FGGY: variants seen among roughly 807,000 people sequenced by gnomAD.
FGGY encodes the protein FGGY carbohydrate kinase domain-containing protein.
In FGGY, 72 loss-of-function variants were observed where a neutral mutation model predicts 71.3. That is an observed-to-expected ratio of 1.01 (90% confidence interval 0.84 to 1.23). The LOEUF (loss-of-function observed/expected upper bound fraction) is 1.23. Among genes scored for constraint, FGGY ranks in the 50% most tolerant of loss-of-function variants. FGGY has a pLI of 0.00. For missense variants in FGGY, 668 were observed against 682.3 expected (o/e 0.98, Z 0.23); for synonymous variants, 251 against 250.3 (o/e 1.00, Z -0.02).
chr1:59,355,503 C>A (rs1400265062), intron 4 of FGGY, among the ~76,000 whole-genome samples: 2 of 152,110 alleles, frequency 1.3e-5, no homozygotes, highest in South Asian at 2.1e-4. Flanking sequence ...AGCTTGTAGT[C>A]ATAGCTAACC....
intron 5 of FGGY, among the ~76,000 whole-genome samples, chr1:59,381,591 T>C (rs2153348767): frequency 6.6e-6 from 1 of 152,060 alleles, no homozygotes; most frequent in South Asian, 2.1e-4. Context: ...ATATGCAGTC[T>C]GTTATTGACT....
intron 14 of FGGY, chr1:59,699,478 C>T (rs1169868206): frequency 9.4e-6 from 8 of 847,926 alleles, no homozygotes; most frequent in Non-Finnish European, 1.1e-5. Flanking sequence ...ATCTCAAAAA[C>T]AACCCCTCTG....
At chr1:59,363,701 G>C (rs926482735) in intron 4 of FGGY, among the ~76,000 whole-genome samples, 1 of 152,220 alleles carries the variant, frequency 6.6e-6, no homozygotes, top group Non-Finnish European at 1.5e-5. Context: ...TGGAGATGCT[G>C]ACAGGTGAAG....
intron 6 of FGGY, among the ~76,000 whole-genome samples, chr1:59,461,621 T>A (rs2092224301): frequency 6.6e-6 from 1 of 152,026 alleles, no homozygotes; most frequent in African/African-American, 2.4e-5. Context: ...ATTGTCAGAT[T>A]CACCAAGGTT....
At chr1:59,609,952 G>A (rs954848728) in intron 9 of FGGY, among the ~76,000 whole-genome samples, 2 of 152,224 alleles carry the variant, frequency 1.3e-5, no homozygotes, top group African/African-American at 2.4e-5. Context: ...TGTTTGATTG[G>A]TCTCAGTAAC....
chr1:59,462,474 A>G (rs973192429), intron 6 of FGGY, among the ~76,000 whole-genome samples: 2 of 152,156 alleles, frequency 1.3e-5, no homozygotes, highest in East Asian at 3.9e-4. Context: ...TCATTAAACT[A>G]AAGAGCTTCT....
At chr1:59,380,303 A>T (rs191028528) in intron 5 of FGGY, among the ~76,000 whole-genome samples, 1 of 151,544 alleles carries the variant, frequency 6.6e-6, no homozygotes, top group Non-Finnish European at 1.5e-5. Flanking sequence ...TCCTTTGGGT[A>T]TATACCCAGT....
At chr1:59,645,224 G>A (rs2097081736) in intron 11 of FGGY, among the ~76,000 whole-genome samples, 1 of 152,200 alleles carries the variant, frequency 6.6e-6, no homozygotes, top group Non-Finnish European at 1.5e-5. Context: ...AGCAGGAGTG[G>A]CCCAGGCTTC....
At chr1:59,340,371 G>C (rs1433181984) in intron 3 of FGGY, among the ~76,000 whole-genome samples, 1 of 152,184 alleles carries the variant, frequency 6.6e-6, no homozygotes, top group East Asian at 1.9e-4. Flanking sequence ...GAAACACACA[G>C]GTGGTTTTGA....
chr1:59,540,321 A>G (rs989681755), intron 7 of FGGY, among the ~76,000 whole-genome samples: 6 of 152,248 alleles, frequency 3.9e-5, no homozygotes, highest in African/African-American at 7.2e-5. Flanking sequence ...ATAGGCAAAA[A>G]CTGCAAACCC....
At chr1:59,655,399 G>A (rs2097209034) in intron 11 of FGGY, among the ~76,000 whole-genome samples, 1 of 152,012 alleles carries the variant, frequency 6.6e-6, no homozygotes. Context: ...ACATACATTA[G>A]GTATTTCTCC....
intron 7 of FGGY, among the ~76,000 whole-genome samples, chr1:59,515,644 T>C (rs1035956795): frequency 2.8e-4 from 43 of 152,224 alleles, no homozygotes; most frequent in Non-Finnish European, 2.1e-4. Flanking sequence ...GTCTTTCCCA[T>C]GCTGTTCTCG....
chr1:59,379,495 C>T (rs1265339888), intron 5 of FGGY, among the ~76,000 whole-genome samples: 1 of 152,058 alleles, frequency 6.6e-6, no homozygotes, highest in Non-Finnish European at 1.5e-5. Flanking sequence ...AGGGCACTTA[C>T]AATGAATGAA....
chr1:59,457,507 A>C (rs2091827834), intron 6 of FGGY, among the ~76,000 whole-genome samples: 1 of 152,032 alleles, frequency 6.6e-6, no homozygotes, highest in African/African-American at 2.4e-5. Flanking sequence ...GCTACTCCGG[A>C]GGCTGAGGTG....
intron 2 of FGGY, among the ~76,000 whole-genome samples, chr1:59,331,632 A>G (rs2048505235): frequency 6.6e-6 from 1 of 152,086 alleles, no homozygotes; most frequent in African/African-American, 2.4e-5. Flanking sequence ...CTATATCTAC[A>G]CTATGTAATT....
At chr1:59,394,759 A>G (rs1420588332) in intron 5 of FGGY, among the ~76,000 whole-genome samples, 2 of 152,082 alleles carry the variant, frequency 1.3e-5, no homozygotes, top group African/African-American at 4.8e-5. Flanking sequence ...TTATTTCCTT[A>G]CCATCTTCAA....
At chr1:59,490,057 A>T (rs1476296578) in intron 6 of FGGY, among the ~76,000 whole-genome samples, 1 of 152,008 alleles carries the variant, frequency 6.6e-6, no homozygotes, top group African/African-American at 2.4e-5. Context: ...TTTTTAAAAA[A>T]TTTATTTTTA....
At chr1:59,374,365 C>T (rs1341735701) in intron 4 of FGGY, among the ~76,000 whole-genome samples, 2 of 152,208 alleles carry the variant, frequency 1.3e-5, no homozygotes, top group Admixed American at 1.3e-4. Context: ...TATCATCTCA[C>T]ACCAGTTAGA....
chr1:59,318,396 C>T (rs559783536), intron 1 of FGGY, among the ~76,000 whole-genome samples: 6 of 152,266 alleles, frequency 3.9e-5, no homozygotes, highest in East Asian at 3.9e-4. Context: ...GTGACACAGG[C>T]GGCAGCTGGA....
Sources: allele counts gnomAD v4.1 joint callset (sites outside exome capture counted in the v4.1 genomes callset), GRCh38; gene constraint gnomAD v4.1.1; transcripts MANE v1.5; gene names NCBI Gene and HGNC (gene_info 2026-07-23, HGNC 2026-07-21).